PMPCA: variants seen among roughly 807,000 people sequenced by gnomAD.
PMPCA encodes peptidase, mitochondrial processing subunit alpha.
PMPCA carries 47 observed loss-of-function variants against 59.3 expected under a neutral mutation model. That is an observed-to-expected ratio of 0.79 (90% CI 0.63 to 1.01). The LOEUF is 1.01. PMPCA is among the 50% of genes least tolerant of loss of function. The pLI is 0.00. For missense variants in PMPCA, 726 were observed against 704.5 expected (o/e 1.03, Z -0.34); for synonymous variants, 338 against 290.3 (o/e 1.16, Z -1.67).
chr9:136,413,045 C>T lies in PMPCA; in HGVS notation c.437+153C>T, dbSNP rs759226983. ...CCTGGATGGAGACTTGGGTGGATGG[C>T]GCTTACACAGAGAAGCACAGCCCCC... On this transcript the variant is annotated intron_variant, in intron 4 of 12. Coordinates refer to ENST00000371717, the MANE Select transcript of PMPCA (RefSeq NM_015160.3). The T allele has an allele frequency of 1.7e-4, 107 of 622,620 alleles. 1 individual carries two copies. Among genetic ancestry groups the T allele is most frequent in the Non-Finnish European group, 2.8e-4 (99 of 350,176 alleles). 38.6% of individuals were successfully genotyped at this position (622,620 alleles called of 1,614,324 possible).
intron 4 of PMPCA, among the ~76,000 whole-genome samples, chr9:136,414,095 A>C (rs1393055810): frequency 5.9e-5 from 9 of 152,226 alleles, no homozygotes; most frequent in Admixed American, 5.9e-4. Context: ...AAGCCAGCCA[A>C]GGCCGGGCAT....
intron 4 of PMPCA, among the ~76,000 whole-genome samples, chr9:136,413,236 T>G (rs1438537570): frequency 6.6e-6 from 1 of 151,474 alleles, no homozygotes; most frequent in Non-Finnish European, 1.5e-5. Context: ...TGGTCTGGAG[T>G]TGGGAAAGGA....
chr9:136,423,168 G>A lies in PMPCA; in HGVS notation c.1482G>A (p.Leu494=). ...GAGGGAAGCCGGCAGTGGCCGCCCT[G>A]GGTGACCTGACTGACCTGCCCACGT... ...MLRGKPAVAA[L]GDLTDLPTYE... Residue 494 remains leucine (L), a synonymous_variant, in exon 13 of 13, where the codon CTG becomes CTA. Transcript: ENST00000371717. 1 of 1,613,792 alleles carries A rather than the reference G, an allele frequency of 6.2e-7. No individual in the cohort carries two copies.
rs751383416 is a variant in PMPCA at position 136,414,549 on chromosome 9, C to G, written c.438-4C>G. On this transcript the variant is annotated splice_polypyrimidine_tract_variant and splice_region_variant and intron_variant, in intron 4 of 12. Transcript: ENST00000371717. ...TGGCATTATGGGCTTGTGTTTTCTT[C>G]CAGAGACACCACCATGTATGCTGTG... The G allele has an allele frequency of 6.2e-7, 1 of 1,601,642 alleles. No homozygotes were observed. Among genetic ancestry groups the G allele is most frequent in the Non-Finnish European group, 8.6e-7 (1 of 1,168,820 alleles).
At chr9:136,414,099 C>T (rs1468889060) in intron 4 of PMPCA, among the ~76,000 whole-genome samples, 2 of 152,186 alleles carry the variant, frequency 1.3e-5, no homozygotes, top group Non-Finnish European at 2.9e-5. Flanking sequence ...CAGCCAAGGC[C>T]GGGCATGTTT....
intron 2 of PMPCA, 115 bp downstream of exon 2, chr9:136,412,314 A>C: frequency 1.1e-6 from 1 of 875,988 alleles, no homozygotes; most frequent in Non-Finnish European, 1.9e-6. Flanking sequence ...AGTGGAAACA[A>C]AGTGTACGAT....
chr9:136,412,751 A>AG (rs397747631), intron 3 of PMPCA, 59 bp from the exon 4 acceptor site: 1 of 1,068,718 alleles, frequency 9.4e-7, no homozygotes, highest in Non-Finnish European at 1.4e-6. Flanking sequence ...TTAAAAAAAA[A>AG]TTGTGTTTCA....
Position 136,410,751 on chromosome 9 carries a change from G to A in PMPCA, c.71+12G>A. ...TGTTCGCGGCTGAGGTGAGCCAAAG[G>A]CGAACCAGGCTTCGGCCTGGGGCGG... On this transcript the variant is annotated intron_variant, in intron 1 of 12. Transcript: ENST00000371717. 7.1e-7 allele frequency: 1 copy of A among 1,401,440 alleles called. No homozygotes were observed. Among genetic ancestry groups the A allele is most frequent in the Non-Finnish European group, 9.2e-7 (1 of 1,083,140 alleles). 86.8% of individuals were successfully genotyped at this position (1,401,440 alleles called of 1,614,324 possible). A position where few individuals can be genotyped will look rare whatever the true frequency, so the allele number is the denominator to read the frequency against.
chr9:136,418,155 C>G lies in PMPCA; in HGVS notation c.990+46C>G, dbSNP rs778881561. On this transcript the variant is annotated intron_variant, in intron 8 of 12. Transcript: ENST00000371717. ...TGATGGCGTTCCTGATGCAGTGTGG[C>G]CGGCTCAGCCAGCCCTGCCCTCTGT... 2.2e-6 allele frequency: 3 copies of G among 1,360,488 alleles called. No homozygotes were observed. In the African/African-American group the frequency reaches 4.3e-5, roughly 19 times the overall value. 84.3% of individuals were successfully genotyped at this position (1,360,488 alleles called of 1,614,324 possible).
At chr9:136,421,522 G>A (rs936728671) in intron 11 of PMPCA, among the ~76,000 whole-genome samples, 6 of 148,258 alleles carry the variant, frequency 4.0e-5, no homozygotes, top group Admixed American at 6.9e-5. Flanking sequence ...CCATTCTCCC[G>A]CCTCAGCTTC....
In PMPCA at chr9:136,418,686, CT is replaced by C. The variant is rs772369235; in HGVS notation, c.1109+17del. 1 of 1,576,726 alleles carries C rather than the reference CT, an allele frequency of 6.3e-7. No individual in the cohort carries two copies. Among genetic ancestry groups the C allele is most frequent in the African/African-American group, 1.3e-5 (1 of 74,286 alleles). Reference sequence around the variant, plus strand: ...ACGTGCTCAACAGGTGGGTTGCACTCTTTTCTGTATCCTCAGGCCACCAGGC... The same window carrying C: ...ACGTGCTCAACAGGTGGGTTGCACTCTTTCTGTATCCTCAGGCCACCAGGC... On this transcript the variant is annotated intron_variant, in intron 9 of 12. Coordinates refer to ENST00000371717, the MANE Select transcript of PMPCA (RefSeq NM_015160.3).
intron 4 of PMPCA, 21 bp downstream of exon 4, chr9:136,412,913 A>G: frequency 6.9e-7 from 1 of 1,444,476 alleles, no homozygotes; most frequent in South Asian, 1.2e-5. Context: ...TTTTGTGTAC[A>G]AACTGACTTT....
At position 136,418,916 on chromosome 9, in the gene PMPCA, C is replaced by G; in HGVS notation, c.1198C>G (p.Gln400Glu). The change falls in exon 10 of 13, where the codon CAG becomes GAG. Residue 400 changes from glutamine to glutamate, a missense_variant and splice_region_variant. Coordinates refer to ENST00000371717, the MANE Select transcript of PMPCA (RefSeq NM_015160.3). ...LCIHASADPR[Q>E]VREMVEIITK... Reference sequence around the variant, plus strand: ...CATCCATGCCAGCGCCGACCCAAGACAGGTGAGGGCCCCGCCTGCCACCGT... The same window carrying G: ...CATCCATGCCAGCGCCGACCCAAGAGAGGTGAGGGCCCCGCCTGCCACCGT... 6.2e-7 allele frequency: 1 copy of G among 1,613,454 alleles called. No homozygotes were observed. Among genetic ancestry groups the G allele is most frequent in the Non-Finnish European group, 8.5e-7 (1 of 1,179,488 alleles).
At position 136,416,407 on chromosome 9, in the gene PMPCA, C is replaced by T. The variant is rs368862850; in HGVS notation, c.633+16C>T. The T allele has an allele frequency of 1.2e-5, 18 of 1,558,278 alleles. No individual in the cohort carries two copies. Among genetic ancestry groups the T allele is most frequent in the Admixed American group, 8.3e-5 (5 of 59,926 alleles). ...GATTCATGAAGTAAAATGTCAAACT[C>T]GAGAATGCCCCCGCATCTCGAACAG... On this transcript the variant is annotated intron_variant, in intron 6 of 12. Coordinates refer to ENST00000371717, the MANE Select transcript of PMPCA (RefSeq NM_015160.3).
intron 4 of PMPCA, among the ~76,000 whole-genome samples, chr9:136,414,098 C>T (rs918890145): frequency 6.6e-6 from 1 of 152,250 alleles, no homozygotes; most frequent in African/African-American, 2.4e-5. Flanking sequence ...CCAGCCAAGG[C>T]CGGGCATGTT....
At position 136,423,176 on chromosome 9, in the gene PMPCA, T is replaced by C; in HGVS notation, c.1490T>C (p.Leu497Pro). 1 of 1,613,790 alleles carries C rather than the reference T, an allele frequency of 6.2e-7. No individual in the cohort carries two copies. Among genetic ancestry groups the C allele is most frequent in the Non-Finnish European group, 8.5e-7 (1 of 1,180,024 alleles). Residue 497 changes from leucine (L) to proline (P), a missense_variant, in exon 13 of 13, where the codon CTG becomes CCG. Transcript: ENST00000371717. The part of the protein sequence containing the change: ...GKPAVAALGD[L>P]TDLPTYEHIQ... ...CCGGCAGTGGCCGCCCTGGGTGACC[T>C]GACTGACCTGCCCACGTATGAGCAC...
Position 136,410,852 on chromosome 9 carries a change from C to T in PMPCA, c.71+113C>T. On this transcript the variant is annotated intron_variant, in intron 1 of 12. Transcript: ENST00000371717. ...ATGGCGCCCGTGGGACGGGCTCGCACTTCGGGACACTGGTGTCCCCGAGGC... is the reference window on the plus strand; with the variant it reads ...ATGGCGCCCGTGGGACGGGCTCGCATTTCGGGACACTGGTGTCCCCGAGGC... 3.4e-6 allele frequency: 3 copies of T among 890,004 alleles called. No homozygotes were observed. In the Admixed American group the frequency reaches 1.3e-4, roughly 38 times the overall value. The allele number at this position is 890,004 out of a possible 1,614,324, so 55.1% of individuals were successfully genotyped here.
At chr9:136,416,436 T>C (rs376702096) in intron 6 of PMPCA, 45 bp downstream of exon 6, 238 of 1,335,668 alleles carry the variant, frequency 1.8e-4, no homozygotes, top group Non-Finnish European at 2.4e-4. Context: ...CGAACAGTGG[T>C]CCTCGGGACA....
intron 6 of PMPCA, 91 bp downstream of exon 6, chr9:136,416,482 T>C (rs1835278644): frequency 1.1e-6 from 1 of 891,438 alleles, no homozygotes; most frequent in Non-Finnish European, 1.9e-6. Context: ...CGTGATGTTG[T>C]CCTTGCAGGT....
Sources: gnomAD v4.1 joint callset for allele counts (sites outside exome capture counted in the v4.1 genomes callset) on GRCh38, gnomAD v4.1.1 for gene constraint, MANE v1.5 for transcripts, NCBI Gene and HGNC (gene_info 2026-07-23, HGNC 2026-07-21) for gene names.